NRG1: variants seen among roughly 807,000 people sequenced by gnomAD.
NRG1 encodes neuregulin 1.
A neutral mutation model predicts 63.8 loss-of-function variants in NRG1; 18 were observed. That is an observed-to-expected ratio of 0.28 (90% CI 0.19 to 0.42). The LOEUF is 0.42. Ranked by LOEUF, NRG1 falls within the 10% of genes least tolerant of loss-of-function variation. The pLI, the probability that NRG1 is intolerant of heterozygous loss-of-function variation, is 1.00. For missense variants in NRG1, 762 were observed against 814.7 expected (o/e 0.94, Z 0.79); for synonymous variants, 302 against 301.3 (o/e 1.00, Z -0.02).
intron 1 of NRG1, among the ~76,000 whole-genome samples, chr8:32,348,622 T>C (rs1008869627): frequency 1.3e-5 from 2 of 152,188 alleles, no homozygotes; most frequent in African/African-American, 4.8e-5. Context: ...AATTGTATAG[T>C]GTTTTGACAT....
chr8:31,699,228 A>T (rs1371870585), intron 1 of NRG1, among the ~76,000 whole-genome samples: 1 of 152,156 alleles, frequency 6.6e-6, no homozygotes, highest in African/African-American at 2.4e-5. Flanking sequence ...AATTCTCAGA[A>T]CAAGTCAAGA....
chr8:31,932,985 T>G (rs897145529), intron 1 of NRG1, among the ~76,000 whole-genome samples: 1 of 152,194 alleles, frequency 6.6e-6, no homozygotes, highest in Non-Finnish European at 1.5e-5. Flanking sequence ...TTTGTTTTTC[T>G]TTTACTCAAA....
chr8:31,916,569 G>A (rs575184805), intron 1 of NRG1, among the ~76,000 whole-genome samples: 3 of 152,302 alleles, frequency 2.0e-5, no homozygotes, highest in African/African-American at 7.2e-5. Flanking sequence ...AATCCATGGT[G>A]TATAGGTGCC....
chr8:32,587,191 G>C (rs969433290), intron 1 of NRG1, among the ~76,000 whole-genome samples: 5 of 151,848 alleles, frequency 3.3e-5, no homozygotes, highest in Admixed American at 3.3e-4. Flanking sequence ...TCTAGCCTGG[G>C]TGACAGAGTG....
chr8:31,915,888 T>C (rs1833341298), intron 1 of NRG1, among the ~76,000 whole-genome samples: 1 of 152,128 alleles, frequency 6.6e-6, no homozygotes, highest in Non-Finnish European at 1.5e-5. Context: ...AAGAAATTAT[T>C]TTTTAAGAAA....
At chr8:31,959,836 T>TATTTATTTATTC (rs375673114) in intron 1 of NRG1, among the ~76,000 whole-genome samples, 12 of 122,480 alleles carry the variant, frequency 9.8e-5, no homozygotes, top group Non-Finnish European at 2.0e-4. Context: ...TTTATTTATT[T>TATTTATTTATTC]ATTATAGAGA....
chr8:32,758,667 G>A (rs1038951047), intron 9 of NRG1, among the ~76,000 whole-genome samples: 9 of 150,056 alleles, frequency 6.0e-5, no homozygotes, highest in African/African-American at 2.0e-4. Context: ...AAATAGAAAT[G>A]TCCTCCATAT....
intron 1 of NRG1, among the ~76,000 whole-genome samples, chr8:32,156,470 C>A (rs1373985773): frequency 6.6e-6 from 1 of 152,180 alleles, no homozygotes; most frequent in Non-Finnish European, 1.5e-5. Flanking sequence ...GATACTATGT[C>A]TATTTTTATG....
intron 7 of NRG1, among the ~76,000 whole-genome samples, chr8:32,773,872 T>C (rs1243917998): frequency 1.3e-5 from 2 of 152,180 alleles, no homozygotes. Flanking sequence ...TTCAGTCTGA[T>C]TTTATGGTTT....
At chr8:31,821,728 A>C (rs1196957395) in intron 1 of NRG1, among the ~76,000 whole-genome samples, 3 of 152,170 alleles carry the variant, frequency 2.0e-5, no homozygotes, top group African/African-American at 7.2e-5. Flanking sequence ...CTTGAAAAAA[A>C]CACAGCGGGA....
intron 1 of NRG1, among the ~76,000 whole-genome samples, chr8:31,648,122 CTCT>C (rs1340077090): frequency 9.5e-5 from 9 of 95,230 alleles, no homozygotes; most frequent in African/African-American, 4.0e-4. Flanking sequence ...AATTTGACTA[CTCT>C]TTTTTTTTTT....
intron 1 of NRG1, among the ~76,000 whole-genome samples, chr8:31,735,869 C>G (rs1407142334): frequency 1.5e-4 from 23 of 152,196 alleles, no homozygotes; most frequent in Admixed American, 1.4e-3. Flanking sequence ...AAGAAATTCT[C>G]TGCATGTATC....
chr8:32,719,185 C>A (rs1254142125), intron 5 of NRG1, among the ~76,000 whole-genome samples: 2 of 151,964 alleles, frequency 1.3e-5, no homozygotes, highest in Non-Finnish European at 2.9e-5. Context: ...TCTAGTTTTA[C>A]AATATAAAGA....
intron 2 of NRG1, among the ~76,000 whole-genome samples, chr8:32,601,320 G>A (rs1844312750): frequency 6.6e-6 from 1 of 152,158 alleles, no homozygotes; most frequent in South Asian, 2.1e-4. Context: ...GTAAAAAATA[G>A]TTGAAACCAC....
At chr8:31,957,857 A>G (rs1331768336) in intron 1 of NRG1, among the ~76,000 whole-genome samples, 1 of 152,120 alleles carries the variant, frequency 6.6e-6, no homozygotes, top group African/African-American at 2.4e-5. Context: ...AGAGCGCACT[A>G]TTTCTACCCC....
At chr8:31,677,450 C>T (rs1164607232) in intron 1 of NRG1, among the ~76,000 whole-genome samples, 8 of 151,950 alleles carry the variant, frequency 5.3e-5, no homozygotes, top group Non-Finnish European at 1.5e-5. Flanking sequence ...TGGCTTTTCT[C>T]CTATAACATT....
chr8:32,077,836 A>G (rs1216412818), intron 1 of NRG1, among the ~76,000 whole-genome samples: 15 of 152,134 alleles, frequency 9.9e-5, no homozygotes, highest in Admixed American at 9.8e-4. Flanking sequence ...AATTATGGGA[A>G]GCTGAATGTG....
chr8:32,258,335 T>C (rs886735563), intron 1 of NRG1, among the ~76,000 whole-genome samples: 6 of 152,236 alleles, frequency 3.9e-5, no homozygotes. Flanking sequence ...CTGATCTTTA[T>C]ATAGTGTTTA....
At chr8:32,429,689 T>C (rs1257328671) in intron 1 of NRG1, among the ~76,000 whole-genome samples, 1 of 152,158 alleles carries the variant, frequency 6.6e-6, no homozygotes, top group Non-Finnish European at 1.5e-5. Context: ...TACCGTAAAC[T>C]GGCAATAAAA....
Sources: allele counts gnomAD v4.1 joint callset (sites outside exome capture counted in the v4.1 genomes callset), GRCh38; gene constraint gnomAD v4.1.1; transcripts MANE v1.5; gene names NCBI Gene and HGNC (gene_info 2026-07-23, HGNC 2026-07-21).